The following SNX25 variants were observed in gnomAD, a reference collection of about 807,000 sequenced individuals.
SNX25 encodes sorting nexin-25.
Under a neutral mutation model 113.7 loss-of-function variants are expected in SNX25, and 62 were observed. The observed-to-expected ratio is 0.55, with a 90% CI of 0.44 to 0.67. The LOEUF (loss-of-function observed/expected upper bound fraction) is 0.67, where lower values mean the gene tolerates loss of function less well. Ranked by LOEUF, SNX25 falls within the 30% of genes least tolerant of loss-of-function variation. The pLI, the probability that SNX25 is intolerant of heterozygous loss-of-function variation, is 0.00. For missense variants in SNX25, 1,014 were observed against 1,161.0 expected (o/e 0.87, Z 1.84); for synonymous variants, 421 against 436.2 (o/e 0.97, Z 0.43).
chr4:185,286,932 A>T (rs1751423613), intron 5 of SNX25, among the ~76,000 whole-genome samples: 1 of 152,244 alleles, frequency 6.6e-6, no homozygotes, highest in African/African-American at 2.4e-5. Flanking sequence ...AAAAGAATGT[A>T]TGTAATTGTG....
intron 1 of SNX25, among the ~76,000 whole-genome samples, chr4:185,245,600 A>C (rs1040981296): frequency 1.1e-4 from 16 of 152,270 alleles, no homozygotes; most frequent in African/African-American, 3.6e-4. Flanking sequence ...CGGCCTCCCA[A>C]AGTGCTAGGA....
At chr4:185,317,209 A>G (rs919721785) in intron 7 of SNX25, among the ~76,000 whole-genome samples, 3 of 152,232 alleles carry the variant, frequency 2.0e-5, no homozygotes, top group African/African-American at 2.4e-5. Flanking sequence ...GCCAACAAAC[A>G]TATGAAAAAA....
downstream of SNX25, chr4:185,367,105 C>A: frequency 7.9e-7 from 1 of 1,270,146 alleles, no homozygotes; most frequent in Admixed American, 1.9e-5. Flanking sequence ...GCAAAATAAC[C>A]AAACATAGCT....
intron 7 of SNX25, among the ~76,000 whole-genome samples, chr4:185,319,929 C>G (rs1375438355): frequency 2.0e-5 from 3 of 152,134 alleles, no homozygotes; most frequent in Non-Finnish European, 2.9e-5. Flanking sequence ...CGATGAGATA[C>G]CATCTCATGC....
intron 6 of SNX25, among the ~76,000 whole-genome samples, chr4:185,310,321 C>T (rs185522405): frequency 2.4e-4 from 36 of 152,254 alleles, no homozygotes; most frequent in African/African-American, 7.9e-4. Flanking sequence ...AGTATTTGTA[C>T]GTACACATTC....
At chr4:185,250,684 A>G (rs947543540) in intron 2 of SNX25, among the ~76,000 whole-genome samples, 10 of 150,988 alleles carry the variant, frequency 6.6e-5, no homozygotes, top group East Asian at 3.9e-4. Flanking sequence ...GTGCTTTTCA[A>G]TACAGATGGT....
intron 1 of SNX25, among the ~76,000 whole-genome samples, chr4:185,241,632 C>A (rs1350762184): frequency 6.7e-6 from 1 of 149,996 alleles, no homozygotes; most frequent in Non-Finnish European, 1.5e-5. Flanking sequence ...GTCTGGTTCA[C>A]CAAGAGCTTT....
chr4:185,376,711 A>G, the SNX25 span, among the ~76,000 whole-genome samples: 1 of 152,206 alleles, frequency 6.6e-6, no homozygotes, highest in East Asian at 1.9e-4. Flanking sequence ...CTTTCATGAC[A>G]TGGATTTTAT....
chr4:185,279,201 G>A (rs1313580912), intron 5 of SNX25, among the ~76,000 whole-genome samples: 3 of 151,958 alleles, frequency 2.0e-5, no homozygotes, highest in Non-Finnish European at 2.9e-5. Flanking sequence ...GTGTGCATGT[G>A]TATTTCCTAA....
chr4:185,205,567 C>T (rs1461561911), upstream of SNX25, among the ~76,000 whole-genome samples: 1 of 152,146 alleles, frequency 6.6e-6, no homozygotes, highest in Non-Finnish European at 1.5e-5. Flanking sequence ...CGGTGGCTCA[C>T]GTTTGTAATT....
intron 10 of SNX25, among the ~76,000 whole-genome samples, chr4:185,338,451 C>T (rs2095243692): frequency 6.6e-6 from 1 of 151,890 alleles, no homozygotes; most frequent in African/African-American, 2.4e-5. Context: ...CCACACCTGG[C>T]TAATTTTTAT....
chr4:185,216,687 T>C (rs908562558), intron 1 of SNX25, among the ~76,000 whole-genome samples: 1 of 151,920 alleles, frequency 6.6e-6, no homozygotes, highest in African/African-American at 2.4e-5. Flanking sequence ...GCCCGGCTAC[T>C]TTTTGTAATT....
At chr4:185,231,102 GTT>G (rs33972141) in intron 1 of SNX25, among the ~76,000 whole-genome samples, 70,637 of 140,244 alleles carry the variant, frequency 0.5, 17,671 homozygotes, top group East Asian at 0.73. Context: ...CCTTTTTTTT[GTT>G]TTTTTTTTTT....
At chr4:185,308,902 C>T (rs1039799141) in intron 6 of SNX25, among the ~76,000 whole-genome samples, 1 of 152,156 alleles carries the variant, frequency 6.6e-6, no homozygotes, top group Non-Finnish European at 1.5e-5. Flanking sequence ...GCTCAGAAGC[C>T]CGCAGACTCA....
At chr4:185,373,511 G>A (rs566855370), downstream of SNX25, among the ~76,000 whole-genome samples, 10 of 152,290 alleles carry the variant, frequency 6.6e-5, no homozygotes, top group African/African-American at 2.2e-4. Flanking sequence ...AGACAACCCA[G>A]GATAAACGCT....
chr4:185,287,831 C>T (rs111687186), intron 5 of SNX25, among the ~76,000 whole-genome samples, 181 bp from the exon 6 acceptor site: 2,401 of 152,142 alleles, frequency 0.016, 71 homozygotes, highest in African/African-American at 0.055. Context: ...ATGACTAGCG[C>T]GTGGCATGGG....
In SNX25 at chr4:185,310,780, G is replaced by T. The variant is rs149861746; in HGVS notation, c.1308G>T (p.Gly436=). 3.9e-5 allele frequency: 63 copies of T among 1,612,992 alleles called. No homozygotes were observed. Among genetic ancestry groups the T allele is most frequent in the Non-Finnish European group, 5.3e-5 (62 of 1,179,588 alleles). The change falls in exon 7 of 19, where the codon GGG becomes GGT. Residue 436 remains glycine, a synonymous_variant. Coordinates refer to ENST00000652585, the MANE Select transcript of SNX25 (RefSeq NM_001378034.2). The part of the protein sequence containing the change: ...GGPAYDQQED[G]ALDEGEGPQS... Reference sequence around the variant, plus strand: ...CTGCCTATGACCAGCAAGAGGATGGGGCCCTGGATGAGGGGGAAGGGCCTC... The same window carrying T: ...CTGCCTATGACCAGCAAGAGGATGGTGCCCTGGATGAGGGGGAAGGGCCTC...
chr4:185,287,025 CTT>C (rs1751439302), intron 5 of SNX25, among the ~76,000 whole-genome samples: 1 of 152,096 alleles, frequency 6.6e-6, no homozygotes, highest in African/African-American at 2.4e-5. Context: ...TGTTAAAGAA[CTT>C]TATTACCAGC....
chr4:185,312,302 T>C (rs1434915406), intron 7 of SNX25, among the ~76,000 whole-genome samples: 1 of 152,102 alleles, frequency 6.6e-6, no homozygotes, highest in Non-Finnish European at 1.5e-5. Context: ...AGGTAAGTGA[T>C]CCAGTAGAGA....
Sources: gnomAD v4.1 joint callset for allele counts (sites outside exome capture counted in the v4.1 genomes callset) on GRCh38, gnomAD v4.1.1 for gene constraint, MANE v1.5 for transcripts, NCBI Gene and HGNC (gene_info 2026-07-23, HGNC 2026-07-21) for gene names.